Variants in HSD17B2 observed in about 807,000 individuals in gnomAD.
HSD17B2 encodes hydroxysteroid 17-beta dehydrogenase 2, also known as 17-beta-hydroxysteroid dehydrogenase type 2.
Under a neutral mutation model 26.9 loss-of-function variants are expected in HSD17B2, and 32 were observed. The observed-to-expected ratio is 1.19, with a 90% CI of 0.90 to 1.60. HSD17B2 has a LOEUF of 1.60. HSD17B2 is among the 40% of genes most tolerant of loss of function. The probability of loss-of-function intolerance (pLI) is 0.00; values close to 1 mark genes in which losing one functional copy is unlikely to be tolerated. For synonymous variants in HSD17B2, 246 were observed against 186.7 expected, an observed-to-expected ratio of 1.32 and a Z score of -2.59; for missense variants, 613 against 468.6, an observed-to-expected ratio of 1.31 and a Z score of -2.85.
chr16:82,090,423 A>G (rs1904656765), intron 3 of HSD17B2, among the ~76,000 whole-genome samples: 1 of 140,704 alleles, frequency 7.1e-6, no homozygotes, highest in South Asian at 2.3e-4. Context: ...GGTCCAAGCG[A>G]TTCTTACGTC....
chr16:82,042,575 A>G (rs1436926515), intron 1 of HSD17B2, among the ~76,000 whole-genome samples: 1 of 152,220 alleles, frequency 6.6e-6, no homozygotes, highest in Non-Finnish European at 1.5e-5. Flanking sequence ...TCTCCCATTT[A>G]AAACAAGTTG....
intron 4 of HSD17B2, chr16:82,092,042 T>C (rs1417313966): frequency 6.6e-6 from 1 of 152,188 alleles, no homozygotes; most frequent in Admixed American, 6.5e-5. Context: ...ATTTTGATTA[T>C]TTTCATTGCC....
chr16:82,083,113 C>T (rs1904426794), intron 3 of HSD17B2, among the ~76,000 whole-genome samples: 1 of 152,166 alleles, frequency 6.6e-6, no homozygotes, highest in Non-Finnish European at 1.5e-5. Context: ...GCCCAACTCC[C>T]ATTCTTGTGT....
chr16:82,054,560 G>C lies in HSD17B2; in HGVS notation c.266-13610G>C, dbSNP rs146121600. Among the ~76,000 whole-genome samples the C allele has an allele frequency of 1.2e-3, 186 of 152,216 alleles. 2 individuals are homozygous for C. The highest frequency in any genetic ancestry group is 4.4e-3 in the African/African-American group (184 of 41,546). On this transcript the variant is annotated intron_variant, in intron 1 of 4. Transcript: ENST00000199936. ...GGGTTTCACCATGTTGCTCAGGCTG[G>C]CCTCAAACTCCTGACCTCAAGTTAT...
chr16:82,066,035 A>T (rs1754963968), intron 1 of HSD17B2, among the ~76,000 whole-genome samples: 1 of 152,212 alleles, frequency 6.6e-6, no homozygotes, highest in South Asian at 2.1e-4. Context: ...TGGATCCAGA[A>T]GTTGGATTTG....
intron 3 of HSD17B2, among the ~76,000 whole-genome samples, chr16:82,084,565 T>TA (rs398119558): frequency 1.3e-5 from 2 of 151,900 alleles, no homozygotes; most frequent in Non-Finnish European, 2.9e-5. Flanking sequence ...TTATTTTTTT[T>TA]ATTTTTTTAC....
intron 1 of HSD17B2, among the ~76,000 whole-genome samples, chr16:82,048,419 C>G (rs1045457850): frequency 3.9e-4 from 59 of 152,022 alleles, no homozygotes; most frequent in African/African-American, 1.4e-3. Context: ...GGAAGGAGTC[C>G]CAGTGCAAAG....
At chr16:82,083,088 T>G (rs1214572758) in intron 3 of HSD17B2, among the ~76,000 whole-genome samples, 1 of 152,202 alleles carries the variant, frequency 6.6e-6, no homozygotes, top group Non-Finnish European at 1.5e-5. Context: ...GCTCCACTGT[T>G]AGATGCTTGT....
At chr16:82,059,965 C>T (rs1232061213) in intron 1 of HSD17B2, among the ~76,000 whole-genome samples, 2 of 152,172 alleles carry the variant, frequency 1.3e-5, no homozygotes, top group Admixed American at 6.5e-5. Context: ...AAGGCCTCCT[C>T]ACCCGACAAC....
intron 3 of HSD17B2, among the ~76,000 whole-genome samples, chr16:82,081,315 G>A (rs188641777): frequency 2.0e-5 from 3 of 152,174 alleles, no homozygotes; most frequent in Non-Finnish European, 4.4e-5. Context: ...CTCTCCTTCT[G>A]TTGTCACTCA....
At chr16:82,057,964 A>G (rs1380767062) in intron 1 of HSD17B2, among the ~76,000 whole-genome samples, 1 of 152,246 alleles carries the variant, frequency 6.6e-6, no homozygotes, top group Non-Finnish European at 1.5e-5. Context: ...AAGTAACGCA[A>G]TGTGAATAAA....
chr16:82,095,334 A>G (rs543143546), intron 4 of HSD17B2: 5 of 152,364 alleles, frequency 3.3e-5, no homozygotes, highest in Non-Finnish European at 5.9e-5. Context: ...CTCCGTTTGC[A>G]TTTCCATAAG....
In HSD17B2 at chr16:82,083,543, T is replaced by A. The variant is rs114702143; in HGVS notation, c.665-7359T>A. On this transcript the variant is annotated intron_variant, in intron 3 of 4. Transcript: ENST00000199936. ...TGGAGAGATGAGATGAAATAACACA[T>A]GTTTAAGCATCAGTCTTGTGCTTGG... is the stretch of plus-strand genomic sequence containing the variant. 3.7e-3 allele frequency among the ~76,000 whole-genome samples: 570 copies of A among 152,204 alleles called. 5 individuals carry two copies. The highest frequency in any genetic ancestry group is 0.013 in the African/African-American group (555 of 41,546).
At position 82,068,583 on chromosome 16, in the gene HSD17B2, C is replaced by T. The variant is rs8191137; in HGVS notation, c.478+201C>T. The stretch of plus-strand genomic sequence containing the variant: ...TAACTCAGACATGGGCCCATCCACA[C>T]AGAACTTACAGAAACCTCAGTCTCA... On this transcript the variant is annotated intron_variant, in intron 2 of 4. Transcript: ENST00000199936. Among the ~76,000 whole-genome samples, 1,325 of 152,312 alleles carry T rather than the reference C, an allele frequency of 8.7e-3. 14 individuals are homozygous for T. Among genetic ancestry groups the T allele is most frequent in the African/African-American group, 0.03 (1,266 of 41,562 alleles).
chr16:82,082,248 C>T (rs1464740444), intron 3 of HSD17B2, among the ~76,000 whole-genome samples: 1 of 152,058 alleles, frequency 6.6e-6, no homozygotes, highest in Non-Finnish European at 1.5e-5. Flanking sequence ...TTCTCCTGAC[C>T]TTCTATCTGC....
At chr16:82,037,415 T>C (rs1913652291) in intron 1 of HSD17B2, among the ~76,000 whole-genome samples, 1 of 152,200 alleles carries the variant, frequency 6.6e-6, no homozygotes, top group African/African-American at 2.4e-5. Context: ...GAAGCCACGC[T>C]GAGTTTGGAA....
In HSD17B2 at chr16:82,091,027, G is replaced by T; in HGVS notation, c.790G>T (p.Gly264Cys). Reference protein sequence around the residue: ...GIKVASIQPGGFLTNIAGTSD... With the variant: ...GIKVASIQPGCFLTNIAGTSD... ...TAAAGTTGCTTCCATCCAACCTGGA[G>T]GCTTCCTAACAAGTAGGTTTCTGAG... Residue 264 changes from glycine (G) to cysteine (C), a missense_variant, in exon 4 of 5, where the codon GGC becomes TGC. Transcript: ENST00000199936. 1.9e-6 allele frequency: 3 copies of T among 1,613,926 alleles called. No homozygotes were observed. The highest frequency in any genetic ancestry group is 2.5e-6 in the Non-Finnish European group (3 of 1,179,856).
chr16:82,060,526 G>T (rs995030772), intron 1 of HSD17B2, among the ~76,000 whole-genome samples: 11 of 152,126 alleles, frequency 7.2e-5, no homozygotes, highest in African/African-American at 2.7e-4. Context: ...CATTGATCTG[G>T]GTTTTCAGGT....
At chr16:82,045,495 G>T (rs1913898279) in intron 1 of HSD17B2, among the ~76,000 whole-genome samples, 1 of 152,194 alleles carries the variant, frequency 6.6e-6, no homozygotes, top group South Asian at 2.1e-4. Flanking sequence ...CGTAGTAGCT[G>T]CTTTATAAAA....
Sources: allele counts gnomAD v4.1 joint callset (sites outside exome capture counted in the v4.1 genomes callset), GRCh38; gene constraint gnomAD v4.1.1; transcripts MANE v1.5; gene names NCBI Gene and HGNC (gene_info 2026-07-23, HGNC 2026-07-21).